Variants in RIMS2 observed in about 807,000 individuals in gnomAD.
RIMS2 encodes the protein regulating synaptic membrane exocytosis 2.
RIMS2 carries 59 observed loss-of-function variants against 174.4 expected under a neutral mutation model. That is an observed-to-expected ratio of 0.34 (90% CI 0.27 to 0.42). The LOEUF is 0.42. Among genes scored for constraint, RIMS2 ranks in the 10% least tolerant of loss-of-function variants. The probability of loss-of-function intolerance (pLI) is 1.00; values close to 1 mark genes in which losing one functional copy is unlikely to be tolerated. For synonymous variants in RIMS2, 606 were observed against 572.5 expected (o/e 1.06, Z -0.84); for missense variants, 1,620 against 1,666.3 (o/e 0.97, Z 0.48).
intron 19 of RIMS2, among the ~76,000 whole-genome samples, chr8:104,121,733 G>A (rs1277037339): frequency 1.3e-5 from 2 of 152,078 alleles, no homozygotes; most frequent in Non-Finnish European, 2.9e-5. Flanking sequence ...AGGCCGAGAT[G>A]GGAGGATCAC....
At chr8:103,798,736 G>A (rs373605640) in intron 3 of RIMS2, among the ~76,000 whole-genome samples, 137 of 152,192 alleles carry the variant, frequency 9.0e-4, no homozygotes, top group African/African-American at 3.2e-3. Flanking sequence ...TAATGTGGTA[G>A]ACAGAATAAT....
At chr8:103,545,354 C>T (rs948957297) in intron 1 of RIMS2, among the ~76,000 whole-genome samples, 2 of 152,074 alleles carry the variant, frequency 1.3e-5, no homozygotes, top group Non-Finnish European at 1.5e-5. Context: ...GTGAACAAAA[C>T]CTCTGAGAAA....
chr8:103,617,651 C>T (rs1464620604), intron 1 of RIMS2, among the ~76,000 whole-genome samples: 10 of 151,916 alleles, frequency 6.6e-5, no homozygotes, highest in Admixed American at 2.0e-4. Flanking sequence ...GGAACTTTAA[C>T]AAATTTATAA....
chr8:103,671,064 G>C (rs370317719), intron 1 of RIMS2, among the ~76,000 whole-genome samples: 1 of 152,172 alleles, frequency 6.6e-6, no homozygotes, highest in Non-Finnish European at 1.5e-5. Context: ...CACAATCATG[G>C]TGGGAGGCGA....
rs867910495 is a variant in RIMS2 at position 103,714,587 on chromosome 8, T to C, written c.387+17291T>C. Among the ~76,000 whole-genome samples, 8 of 152,160 alleles carry C rather than the reference T, an allele frequency of 5.3e-5. No homozygotes were observed. The South Asian group carries it at 1.7e-3, about 31-fold the overall frequency. ...AAGGATTCTGAGGGGAAATTAACAT[T>C]AGTTTCCTAGGAGACTGGGGAACTA... On this transcript the variant is annotated intron_variant, in intron 2 of 23. Transcript: ENST00000504942.
chr8:103,539,252 T>C (rs1354306619), intron 1 of RIMS2, among the ~76,000 whole-genome samples: 1 of 152,220 alleles, frequency 6.6e-6, no homozygotes, highest in African/African-American at 2.4e-5. Flanking sequence ...AAATCTTTGA[T>C]GGCTTCTCAT....
chr8:103,521,297 T>A (rs1831556138), intron 1 of RIMS2, among the ~76,000 whole-genome samples: 1 of 151,710 alleles, frequency 6.6e-6, no homozygotes, highest in African/African-American at 2.4e-5. Flanking sequence ...ATAATAAAAT[T>A]AAAAAAAACC....
At chr8:104,213,713 C>A (rs1226804396) in intron 19 of RIMS2, among the ~76,000 whole-genome samples, 2 of 151,990 alleles carry the variant, frequency 1.3e-5, no homozygotes, top group Admixed American at 6.6e-5. Context: ...CCCGTCTCTA[C>A]TAAAAATACA....
chr8:104,096,073 C>T (rs1188155122), intron 19 of RIMS2, among the ~76,000 whole-genome samples: 1 of 152,028 alleles, frequency 6.6e-6, no homozygotes, highest in Non-Finnish European at 1.5e-5. Context: ...CATTGGTTTA[C>T]TAATAAAGAT....
At chr8:103,591,532 A>G (rs564834621) in intron 1 of RIMS2, among the ~76,000 whole-genome samples, 1 of 151,294 alleles carries the variant, frequency 6.6e-6, no homozygotes, top group African/African-American at 2.4e-5. Context: ...AAATCTTTAT[A>G]GGTTTAACTT....
intron 2 of RIMS2, among the ~76,000 whole-genome samples, chr8:103,764,953 A>G (rs994549311): frequency 6.6e-6 from 1 of 152,208 alleles, no homozygotes; most frequent in Non-Finnish European, 1.5e-5. Context: ...ATGAGCAAGT[A>G]CAATGTTGTG....
chr8:103,942,992 TAAA>T, intron 14 of RIMS2, 66 bp downstream of exon 16: 1 of 1,197,110 alleles, frequency 8.4e-7, no homozygotes, highest in Non-Finnish European at 1.2e-6. Context: ...ATGTATGTGA[TAAA>T]GAACTTGAAG....
rs756666468 is a variant in RIMS2 at position 104,068,507 on chromosome 8, G to A, written c.3334+53892G>A. The A allele has an allele frequency of 3.9e-5, 52 of 1,336,888 alleles. No homozygotes were observed. The highest frequency in any genetic ancestry group is 7.2e-5 in the African/African-American group (5 of 69,258). The allele number at this position is 1,336,888 out of a possible 1,614,324, so 82.8% of individuals were successfully genotyped here. A position where few individuals can be genotyped will look rare whatever the true frequency, so the allele number is the denominator to read the frequency against. On this transcript the variant is annotated intron_variant, in intron 19 of 23. Coordinates refer to ENST00000504942, the Ensembl canonical transcript of RIMS2. ...TAATTTTATGGGTTTTTTTCTACTC[G>A]ATAGGTACTATGGATATAGAGGAGA...
At chr8:104,087,086 C>T (rs1328792746) in intron 19 of RIMS2, among the ~76,000 whole-genome samples, 1 of 152,078 alleles carries the variant, frequency 6.6e-6, no homozygotes, top group Non-Finnish European at 1.5e-5. Flanking sequence ...ATACCCACCA[C>T]AGAGAATGAA....
chr8:104,145,400 C>G (rs1025479512), intron 19 of RIMS2, among the ~76,000 whole-genome samples: 3 of 151,992 alleles, frequency 2.0e-5, no homozygotes, highest in Non-Finnish European at 2.9e-5. Flanking sequence ...TACGTCTTTT[C>G]CTAGCCACAT....
intron 16 of RIMS2, among the ~76,000 whole-genome samples, chr8:103,988,605 A>G (rs1398913491): frequency 1.3e-5 from 2 of 152,208 alleles, no homozygotes; most frequent in East Asian, 1.9e-4. Flanking sequence ...GATTGCAGGC[A>G]TGCACCACCA....
chr8:103,848,491 A>T (rs1251782471), intron 3 of RIMS2, among the ~76,000 whole-genome samples: 1 of 151,968 alleles, frequency 6.6e-6, no homozygotes, highest in Non-Finnish European at 1.5e-5. Context: ...TTTATTAGAA[A>T]TGGAATACTG....
chr8:103,662,747 A>G (rs1416849028), intron 1 of RIMS2, among the ~76,000 whole-genome samples: 1 of 152,080 alleles, frequency 6.6e-6, no homozygotes, highest in Admixed American at 6.5e-5. Context: ...GTCATTCTCT[A>G]GTGTCAATAA....
intron 2 of RIMS2, among the ~76,000 whole-genome samples, chr8:103,718,008 A>T (rs906108944): frequency 6.6e-6 from 1 of 151,510 alleles, no homozygotes; most frequent in Non-Finnish European, 1.5e-5. Flanking sequence ...TAGACAGCAA[A>T]TTCTATGAGT....
Sources: allele counts gnomAD v4.1 joint callset (sites outside exome capture counted in the v4.1 genomes callset), GRCh38; gene constraint gnomAD v4.1.1; transcripts MANE v1.5; gene names NCBI Gene and HGNC (gene_info 2026-07-23, HGNC 2026-07-21).